ZNF609: variants seen among roughly 807,000 people sequenced by gnomAD.
The protein encoded by ZNF609 is zinc finger protein 609.
A neutral mutation model predicts 109.5 loss-of-function variants in ZNF609; 11 were observed. The ratio of observed to expected loss-of-function variants is 0.10; its 90% confidence interval spans 0.06 to 0.17. ZNF609 has a LOEUF of 0.17. Among genes scored for constraint, ZNF609 ranks in the 10% least tolerant of loss-of-function variants. The pLI, the probability that ZNF609 is intolerant of heterozygous loss-of-function variation, is 1.00. For missense variants in ZNF609, 1,559 were observed against 1,772.4 expected (o/e 0.88, Z 2.16); for synonymous variants, 646 against 662.0 (o/e 0.98, Z 0.37).
chr15:64,612,735 C>A (rs1483999127), intron 2 of ZNF609, among the ~76,000 whole-genome samples: 1 of 151,484 alleles, frequency 6.6e-6, no homozygotes, highest in Non-Finnish European at 1.5e-5. Context: ...AAAGGACCTG[C>A]CGGGCGTGGT....
chr15:64,520,733 C>T (rs577384568), intron 2 of ZNF609, among the ~76,000 whole-genome samples: 4 of 152,102 alleles, frequency 2.6e-5, no homozygotes, highest in Non-Finnish European at 2.9e-5. Flanking sequence ...AAAAAGTAAC[C>T]GAGAAACTGA....
chr15:64,516,983 T>C (rs969339118), intron 2 of ZNF609, among the ~76,000 whole-genome samples: 1 of 152,174 alleles, frequency 6.6e-6, no homozygotes, highest in Non-Finnish European at 1.5e-5. Flanking sequence ...TAACCCCTAC[T>C]CCGGAAACTT....
At chr15:64,564,566 A>C (rs1043966003) in intron 2 of ZNF609, among the ~76,000 whole-genome samples, 7 of 152,102 alleles carry the variant, frequency 4.6e-5, no homozygotes, top group Admixed American at 6.5e-5. Flanking sequence ...TCAGGCATAA[A>C]GATATCCATC....
chr15:64,649,994 G>T (rs1896390350), intron 3 of ZNF609, among the ~76,000 whole-genome samples: 1 of 151,952 alleles, frequency 6.6e-6, no homozygotes, highest in South Asian at 2.1e-4. Flanking sequence ...ATTAGGTAAA[G>T]AGCCAGGTAT....
At chr15:64,646,234 C>T (rs1896331622) in intron 3 of ZNF609, among the ~76,000 whole-genome samples, 2 of 152,264 alleles carry the variant, frequency 1.3e-5, no homozygotes, top group East Asian at 1.9e-4. Context: ...TGACTCATGC[C>T]TCTAATCCCA....
intron 3 of ZNF609, among the ~76,000 whole-genome samples, chr15:64,660,729 C>A (rs1195862607): frequency 6.6e-6 from 1 of 152,174 alleles, no homozygotes; most frequent in Non-Finnish European, 1.5e-5. Context: ...GTGCCATGTG[C>A]ATTTCCACCA....
chr15:64,676,151 G>A lies in ZNF609; in HGVS notation c.3297G>A (p.Val1099=), dbSNP rs764656053. The A allele has an allele frequency of 6.2e-7, 1 of 1,614,218 alleles. No individual in the cohort carries two copies. The highest frequency in any genetic ancestry group is 2.2e-5 in the East Asian group (1 of 44,868). ...LPGQAPEGLK[V]KLSDASHLSK... ...GCCAGGCCCCTGAAGGCCTTAAAGTGAAGCTGAGTGATGCCAGCCACCTAA... is the reference window on the plus strand; with the variant it reads ...GCCAGGCCCCTGAAGGCCTTAAAGTAAAGCTGAGTGATGCCAGCCACCTAA... The change falls in exon 5 of 10, where the codon GTG becomes GTA. Residue 1099 remains valine, a synonymous_variant. Coordinates refer to ENST00000326648, the MANE Select transcript of ZNF609 (RefSeq NM_015042.2).
chr15:64,588,522 A>G (rs1461362593), intron 2 of ZNF609, among the ~76,000 whole-genome samples: 2 of 141,850 alleles, frequency 1.4e-5, no homozygotes, highest in Admixed American at 1.4e-4. Flanking sequence ...TTTGTTTGTT[A>G]TTTGTGGAGA....
intron 1 of ZNF609, among the ~76,000 whole-genome samples, chr15:64,473,002 G>A (rs1379070512): frequency 6.6e-6 from 1 of 151,936 alleles, no homozygotes; most frequent in East Asian, 1.9e-4. Flanking sequence ...TATAAGAAAA[G>A]ACATGGAATT....
At chr15:64,594,335 A>T (rs1011398664) in intron 2 of ZNF609, among the ~76,000 whole-genome samples, 8 of 145,162 alleles carry the variant, frequency 5.5e-5, no homozygotes, top group East Asian at 2.0e-4. Context: ...AATGCTCAAA[A>T]TTTTTTTTTT....
rs1567045423 is a variant in ZNF609, at chr15:64,675,468, AAAG to A, written c.2618_2620del (p.Glu873del). On this transcript the variant is annotated inframe_deletion, in exon 5 of 10. Transcript: ENST00000326648. ...ATCAAAGGACGCCGAACAGTTGGTT[AAAG>A]AAGGGGCTAAGAAAACTCTTTTTCC... 6.2e-7 allele frequency: 1 copy of A among 1,614,182 alleles called. No individual in the cohort carries two copies. The highest frequency in any genetic ancestry group is 8.5e-7 in the Non-Finnish European group (1 of 1,180,040).
At chr15:64,677,179 T>C (rs1337543840) in intron 5 of ZNF609, among the ~76,000 whole-genome samples, 2 of 152,234 alleles carry the variant, frequency 1.3e-5, no homozygotes, top group African/African-American at 4.8e-5. Flanking sequence ...TCCTCCTGCC[T>C]CAGCCTCCCA....
intron 2 of ZNF609, among the ~76,000 whole-genome samples, chr15:64,598,548 G>A (rs896034365): frequency 6.6e-6 from 1 of 150,834 alleles, no homozygotes; most frequent in African/African-American, 2.4e-5. Context: ...AACATTAATG[G>A]GCCAATATAG....
intron 1 of ZNF609, among the ~76,000 whole-genome samples, chr15:64,497,015 A>C (rs886261176): frequency 6.6e-6 from 1 of 152,132 alleles, no homozygotes; most frequent in African/African-American, 2.4e-5. Flanking sequence ...GGGTTTTGCC[A>C]TGTTGCCCAG....
chr15:64,656,230 A>G (rs908356990), intron 3 of ZNF609, among the ~76,000 whole-genome samples: 18 of 151,792 alleles, frequency 1.2e-4, no homozygotes, highest in Non-Finnish European at 4.4e-5. Context: ...CACCCAGCCA[A>G]TTTTTGTATT....
intron 1 of ZNF609, among the ~76,000 whole-genome samples, chr15:64,487,976 C>T (rs963162282): frequency 6.6e-6 from 1 of 152,166 alleles, no homozygotes; most frequent in African/African-American, 2.4e-5. Context: ...TGGTTTAAGT[C>T]TGATAGAACT....
chr15:64,467,574 C>A (rs192834815), intron 1 of ZNF609, among the ~76,000 whole-genome samples: 1 of 152,208 alleles, frequency 6.6e-6, no homozygotes. Context: ...TAGCCCGGTG[C>A]GGTGGCTTAC....
chr15:64,590,931 T>TA (rs1567022966), intron 2 of ZNF609, among the ~76,000 whole-genome samples: 1 of 152,050 alleles, frequency 6.6e-6, no homozygotes. Context: ...GATAATACCT[T>TA]AAAAAGGTCC....
chr15:64,593,623 C>T (rs553646722), intron 2 of ZNF609, among the ~76,000 whole-genome samples: 1 of 152,262 alleles, frequency 6.6e-6, no homozygotes, highest in East Asian at 1.9e-4. Context: ...GCCTCCCAGA[C>T]TCACGTAATC....
Sources: gnomAD v4.1 joint callset for allele counts (sites outside exome capture counted in the v4.1 genomes callset) on GRCh38, gnomAD v4.1.1 for gene constraint, MANE v1.5 for transcripts, NCBI Gene and HGNC (gene_info 2026-07-23, HGNC 2026-07-21) for gene names.